TAFA4: variants seen among roughly 807,000 people sequenced by gnomAD.
The protein encoded by TAFA4 is TAFA chemokine like family member 4.
A neutral mutation model predicts 21.1 loss-of-function variants in TAFA4; 20 were observed. The ratio of observed to expected loss-of-function variants is 0.95; its 90% CI spans 0.67 to 1.38. The LOEUF (loss-of-function observed/expected upper bound fraction) is 1.38, where lower values mean the gene tolerates loss of function less well. TAFA4 is among the 40% of genes most tolerant of loss of function. The pLI is 0.00. For synonymous variants in TAFA4, 71 were observed against 67.4 expected (o/e 1.05, Z -0.26); for missense variants, 211 against 180.9 (o/e 1.17, Z -0.95).
At chr3:68,863,917 C>T (rs575704834) in intron 3 of TAFA4, among the ~76,000 whole-genome samples, 4 of 152,134 alleles carry the variant, frequency 2.6e-5, no homozygotes, top group African/African-American at 7.2e-5. Flanking sequence ...TTTTTACCTA[C>T]TAAAAATGCA....
intron 3 of TAFA4, among the ~76,000 whole-genome samples, chr3:68,775,664 A>G (rs1703034994): frequency 6.6e-6 from 1 of 152,152 alleles, no homozygotes; most frequent in South Asian, 2.1e-4. Context: ...TACTCTGGTA[A>G]TACAGGTCCC....
At chr3:68,815,034 G>C (rs1339789936) in intron 3 of TAFA4, among the ~76,000 whole-genome samples, 1 of 152,120 alleles carries the variant, frequency 6.6e-6, no homozygotes, top group African/African-American at 2.4e-5. Flanking sequence ...TCTGATCTTT[G>C]ACAAACCTGA....
chr3:68,831,711 T>G (rs539122846), intron 3 of TAFA4, among the ~76,000 whole-genome samples: 66 of 152,340 alleles, frequency 4.3e-4, no homozygotes, highest in African/African-American at 1.5e-3. Flanking sequence ...CTGTATTTCC[T>G]GAATTTGAAT....
At chr3:68,852,463 T>C (rs1026313367) in intron 3 of TAFA4, among the ~76,000 whole-genome samples, 29 of 152,110 alleles carry the variant, frequency 1.9e-4, no homozygotes, top group African/African-American at 7.0e-4. Context: ...GAGAGAAGCA[T>C]TAGCGAGGCT....
At chr3:68,771,373 C>A (rs967880374) in intron 3 of TAFA4, among the ~76,000 whole-genome samples, 1 of 151,726 alleles carries the variant, frequency 6.6e-6, no homozygotes, top group African/African-American at 2.4e-5. Context: ...AGACATGACA[C>A]CCCTAGACAC....
At position 68,753,024 on chromosome 3, in the gene TAFA4, T is replaced by G; in HGVS notation, c.131-6A>C. 1 of 1,611,710 alleles carries G rather than the reference T, an allele frequency of 6.2e-7. No individual in the cohort carries two copies. The highest frequency in any genetic ancestry group is 1.1e-5 in the South Asian group (1 of 90,920). On this transcript the variant is annotated splice_polypyrimidine_tract_variant and splice_region_variant and intron_variant, in intron 3 of 5. Coordinates refer to ENST00000295569, the MANE Select transcript of TAFA4 (RefSeq NM_182522.5). Reference sequence around the variant, plus strand: ...TTGCTTGATTTGGTGGTGACCTAGTTGGTAATGGGGGAGAAAAACAAACCC... The same window carrying G: ...TTGCTTGATTTGGTGGTGACCTAGTGGGTAATGGGGGAGAAAAACAAACCC...
chr3:68,853,064 T>C (rs1462361488), intron 3 of TAFA4, among the ~76,000 whole-genome samples: 2 of 152,174 alleles, frequency 1.3e-5, no homozygotes, highest in Non-Finnish European at 2.9e-5. Context: ...GGTTCAATTA[T>C]GATTCACTTG....
intron 3 of TAFA4, among the ~76,000 whole-genome samples, chr3:68,816,394 A>G (rs561812371): frequency 6.6e-6 from 1 of 152,242 alleles, no homozygotes; most frequent in Admixed American, 6.5e-5. Flanking sequence ...AAATTCTTTC[A>G]TCAGTGTTTT....
intron 3 of TAFA4, among the ~76,000 whole-genome samples, chr3:68,861,997 T>G (rs2089351607): frequency 6.6e-6 from 1 of 152,108 alleles, no homozygotes; most frequent in Non-Finnish European, 1.5e-5. Flanking sequence ...GTTCCACATC[T>G]GCCTCCTGCT....
chr3:68,883,955 G>A lies in TAFA4; in HGVS notation c.14+1220C>T, dbSNP rs1559553385. Among the ~76,000 whole-genome samples the A allele has an allele frequency of 2.7e-5, 4 of 148,736 alleles. No homozygotes were observed. The South Asian group carries it at 6.6e-4, about 24-fold the overall frequency. On this transcript the variant is annotated intron_variant, in intron 2 of 5. Coordinates refer to ENST00000295569, the MANE Select transcript of TAFA4 (RefSeq NM_182522.5). ...TCAAAAAAAGAAGGCAGGCAGGCAG[G>A]CAGGCAGGGAGGCAGGGAGGGAAAG... is the stretch of plus-strand genomic sequence containing the variant.
At chr3:68,908,052 T>C (rs1471514550) in intron 1 of TAFA4, among the ~76,000 whole-genome samples, 1 of 152,202 alleles carries the variant, frequency 6.6e-6, no homozygotes. Context: ...ACTATGGTTA[T>C]AAAATCTGGA....
chr3:68,735,762 AAGAATCAAGTAGGAAG>A (rs1162021330), intron 5 of TAFA4, among the ~76,000 whole-genome samples: 2 of 152,148 alleles, frequency 1.3e-5, no homozygotes, highest in African/African-American at 2.4e-5. Flanking sequence ...AATGAAGTAA[AAGAATCAAGTAGGAAG>A]TTTGCAAAGA....
chr3:68,887,033 C>A (rs1022929267), intron 1 of TAFA4, among the ~76,000 whole-genome samples: 1 of 152,150 alleles, frequency 6.6e-6, no homozygotes, highest in African/African-American at 2.4e-5. Context: ...TCCAGAGTTC[C>A]ATCTAAATCA....
chr3:68,926,638 C>T (rs921557553), intron 1 of TAFA4, among the ~76,000 whole-genome samples: 5 of 152,114 alleles, frequency 3.3e-5, no homozygotes, highest in East Asian at 3.9e-4. Flanking sequence ...TGCGGCCAGG[C>T]GTGGTGGCTC....
intron 1 of TAFA4, among the ~76,000 whole-genome samples, chr3:68,913,187 G>C (rs1041027860): frequency 7.9e-5 from 12 of 152,176 alleles, no homozygotes; most frequent in Admixed American, 3.9e-4. Flanking sequence ...AAAACTTCCT[G>C]TGTCAAAACA....
intron 5 of TAFA4, among the ~76,000 whole-genome samples, chr3:68,733,975 T>C (rs1447757301): frequency 2.0e-5 from 3 of 152,104 alleles, no homozygotes; most frequent in Non-Finnish European, 4.4e-5. Context: ...CCCATGGAGC[T>C]TACCTTCTAG....
chr3:68,862,736 C>T (rs1022580585), intron 3 of TAFA4, among the ~76,000 whole-genome samples: 19 of 151,938 alleles, frequency 1.3e-4, no homozygotes, highest in Admixed American at 9.8e-4. Context: ...GGGCTGGTAC[C>T]GTCTGAGATG....
rs560456836 is a variant in TAFA4, at chr3:68,815,103, C to A, written c.131-62085G>T. Among the ~76,000 whole-genome samples the A allele has an allele frequency of 1.9e-3, 284 of 152,296 alleles. 2 individuals are homozygous for A. Among genetic ancestry groups the A allele is most frequent in the African/African-American group, 6.7e-3 (278 of 41,558 alleles). ...TAATAAATGGTGCTGGGAAACCTGG[C>A]TAGCCATATGTAGAAAGCTGAAACT... On this transcript the variant is annotated intron_variant, in intron 3 of 5. Transcript: ENST00000295569.
intron 3 of TAFA4, among the ~76,000 whole-genome samples, chr3:68,876,114 C>G (rs1030046460): frequency 6.6e-6 from 1 of 152,166 alleles, no homozygotes; most frequent in African/African-American, 2.4e-5. Context: ...TAGGCTCTAA[C>G]CACATGTGAC....
Sources: gnomAD v4.1 joint callset for allele counts (sites outside exome capture counted in the v4.1 genomes callset) on GRCh38, gnomAD v4.1.1 for gene constraint, MANE v1.5 for transcripts, NCBI Gene and HGNC (gene_info 2026-07-23, HGNC 2026-07-21) for gene names.